GRM8: variants seen among roughly 807,000 people sequenced by gnomAD.
GRM8 encodes the protein metabotropic glutamate receptor 8.
GRM8 carries 47 observed loss-of-function variants against 87.2 expected under a neutral mutation model. The observed-to-expected ratio is 0.54, with a 90% CI of 0.43 to 0.69. The LOEUF is 0.69. Among genes scored for constraint, GRM8 ranks in the 30% least tolerant of loss-of-function variants. The pLI, the probability that GRM8 is intolerant of heterozygous loss-of-function variation, is 0.00. For missense variants in GRM8, 1,019 were observed against 1,139.2 expected, an observed-to-expected ratio of 0.89 and a Z score of 1.52; for synonymous variants, 396 against 404.5, an observed-to-expected ratio of 0.98 and a Z score of 0.25.
chr7:127,133,213 T>C (rs1827779872), intron 2 of GRM8, among the ~76,000 whole-genome samples: 1 of 148,842 alleles, frequency 6.7e-6, no homozygotes, highest in South Asian at 2.1e-4. Flanking sequence ...AGGTCAGGAG[T>C]TTGAGACCAG....
intron 6 of GRM8, among the ~76,000 whole-genome samples, chr7:126,850,570 T>C (rs544545009): frequency 6.6e-6 from 1 of 152,176 alleles, no homozygotes; most frequent in Non-Finnish European, 1.5e-5. Flanking sequence ...TGGATGATTT[T>C]GGAGAGAGTC....
chr7:127,110,256 C>A (rs1020971393), intron 2 of GRM8, among the ~76,000 whole-genome samples: 1 of 152,144 alleles, frequency 6.6e-6, no homozygotes, highest in African/African-American at 2.4e-5. Context: ...CTGGGTGTGC[C>A]AGAAGCCTGA....
intron 9 of GRM8, among the ~76,000 whole-genome samples, chr7:126,464,383 C>T (rs926026958): frequency 2.0e-5 from 3 of 149,906 alleles, no homozygotes; most frequent in African/African-American, 7.3e-5. Context: ...ATCATTGGGT[C>T]TTGTAGTTTT....
At chr7:127,159,492 T>C (rs1792956364) in intron 2 of GRM8, among the ~76,000 whole-genome samples, 1 of 152,110 alleles carries the variant, frequency 6.6e-6, no homozygotes, top group South Asian at 2.1e-4. Flanking sequence ...GTATAAAAGC[T>C]TGCAGCATGA....
At chr7:126,798,859 G>T (rs1311425442) in intron 6 of GRM8, among the ~76,000 whole-genome samples, 5 of 152,002 alleles carry the variant, frequency 3.3e-5, no homozygotes, top group Non-Finnish European at 5.9e-5. Context: ...AGATGAGACT[G>T]GGAAAGTCTC....
intron 3 of GRM8, among the ~76,000 whole-genome samples, chr7:127,062,340 C>A (rs142146111): frequency 6.6e-6 from 1 of 152,018 alleles, no homozygotes; most frequent in Non-Finnish European, 1.5e-5. Context: ...CTTGACACAG[C>A]ATGCAATAGG....
chr7:126,779,136 A>C (rs1372077959), intron 6 of GRM8, among the ~76,000 whole-genome samples: 1 of 152,052 alleles, frequency 6.6e-6, no homozygotes, highest in Non-Finnish European at 1.5e-5. Flanking sequence ...TCTAATATTT[A>C]ATCATTCAAC....
intron 8 of GRM8, among the ~76,000 whole-genome samples, chr7:126,537,872 C>T (rs185641158): frequency 6.6e-6 from 1 of 152,212 alleles, no homozygotes; most frequent in East Asian, 1.9e-4. Flanking sequence ...AAAGATTATT[C>T]AACCCTGTTT....
chr7:126,683,754 G>A (rs1807872061), intron 7 of GRM8, among the ~76,000 whole-genome samples: 1 of 152,140 alleles, frequency 6.6e-6, no homozygotes, highest in Non-Finnish European at 1.5e-5. Context: ...TCTGGAAATT[G>A]ATTGCTTTTG....
intron 2 of GRM8, among the ~76,000 whole-genome samples, chr7:127,169,871 A>T (rs994324509): frequency 6.6e-6 from 1 of 152,216 alleles, no homozygotes; most frequent in African/African-American, 2.4e-5. Context: ...GTTGAGACCT[A>T]CTGCTCAGGA....
chr7:126,613,624 C>T (rs1345560437), intron 7 of GRM8, among the ~76,000 whole-genome samples: 1 of 152,222 alleles, frequency 6.6e-6, no homozygotes, highest in Non-Finnish European at 1.5e-5. Context: ...ATTCCCTTTC[C>T]TAGCCAAGGG....
At chr7:126,849,136 G>C (rs1419105045) in intron 6 of GRM8, among the ~76,000 whole-genome samples, 1 of 152,092 alleles carries the variant, frequency 6.6e-6, no homozygotes, top group African/African-American at 2.4e-5. Context: ...GGGAATTCAA[G>C]ATGAGATTTG....
chr7:126,698,870 AT>A (rs199502429), intron 7 of GRM8, among the ~76,000 whole-genome samples: 1,545 of 152,268 alleles, frequency 0.01, 23 homozygotes, highest in African/African-American at 0.035. Context: ...ATACATTTAT[AT>A]TTCTCTCAAG....
intron 2 of GRM8, among the ~76,000 whole-genome samples, chr7:127,216,813 A>T (rs74548328): frequency 1.2e-3 from 180 of 152,124 alleles, no homozygotes; most frequent in African/African-American, 4.1e-3. Context: ...TTTTGCACAT[A>T]TTCTTCCTCC....
At chr7:126,994,963 G>A (rs1813034768) in intron 3 of GRM8, among the ~76,000 whole-genome samples, 1 of 151,936 alleles carries the variant, frequency 6.6e-6, no homozygotes, top group African/African-American at 2.4e-5. Context: ...CTGGCTTCAG[G>A]TCTGACCTGG....
chr7:127,084,719 T>C (rs1823281614), intron 3 of GRM8: 1 of 152,192 alleles, frequency 6.6e-6, no homozygotes, highest in Non-Finnish European at 1.5e-5. Flanking sequence ...TCTTGAGAAG[T>C]GTTTCTGTCC....
intron 2 of GRM8, among the ~76,000 whole-genome samples, chr7:127,118,686 G>A (rs1390207025): frequency 1.3e-5 from 2 of 152,202 alleles, no homozygotes; most frequent in East Asian, 1.9e-4. Context: ...GTAAATGACA[G>A]AATAAGATTC....
At chr7:126,781,103 C>T (rs576948806) in intron 6 of GRM8, among the ~76,000 whole-genome samples, 27 of 152,278 alleles carry the variant, frequency 1.8e-4, no homozygotes, top group Non-Finnish European at 2.4e-4. Context: ...GATGCCAGTG[C>T]TGCTCAATTA....
At chr7:127,002,192 C>T (rs1309110377) in intron 3 of GRM8, among the ~76,000 whole-genome samples, 1 of 151,544 alleles carries the variant, frequency 6.6e-6, no homozygotes, top group Non-Finnish European at 1.5e-5. Context: ...GTAAATCATG[C>T]CTCAGTAAAG....
Sources: gnomAD v4.1 joint callset for allele counts (sites outside exome capture counted in the v4.1 genomes callset) on GRCh38, gnomAD v4.1.1 for gene constraint, MANE v1.5 for transcripts, NCBI Gene and HGNC (gene_info 2026-07-23, HGNC 2026-07-21) for gene names.